Variants in WDR7 observed in about 807,000 individuals in gnomAD.
WDR7 encodes WD repeat domain 7.
WDR7 carries 46 observed loss-of-function variants against 169.4 expected under a neutral mutation model. The ratio of observed to expected loss-of-function variants is 0.27; its 90% CI spans 0.21 to 0.35. WDR7 has a LOEUF of 0.35. Among genes scored for constraint, WDR7 ranks in the 10% least tolerant of loss-of-function variants. The pLI is 1.00. For missense variants in WDR7, 1,534 were observed against 1,859.3 expected (o/e 0.83, Z 3.22); for synonymous variants, 612 against 666.8 (o/e 0.92, Z 1.27).
intron 25 of WDR7, among the ~76,000 whole-genome samples, chr18:56,955,654 GGATGATGATGATGAT>G (rs34888311): frequency 2.0e-5 from 3 of 150,268 alleles, no homozygotes; most frequent in Non-Finnish European, 4.4e-5. Context: ...AGATGCAGAT[GGATGATGATGATGAT>G]GATGATGATG....
intron 20 of WDR7, among the ~76,000 whole-genome samples, chr18:56,829,700 A>T (rs2045275145): frequency 6.6e-6 from 1 of 152,260 alleles, no homozygotes; most frequent in South Asian, 2.1e-4. Context: ...TATGCATAAC[A>T]TGCACAGATT....
At chr18:56,951,632 C>T (rs2047184270) in intron 25 of WDR7, among the ~76,000 whole-genome samples, 1 of 152,044 alleles carries the variant, frequency 6.6e-6, no homozygotes, top group Non-Finnish European at 1.5e-5. Flanking sequence ...AAGATATATA[C>T]ACACGTGATG....
At chr18:56,888,297 G>A (rs1487424258) in intron 21 of WDR7, among the ~76,000 whole-genome samples, 2 of 152,206 alleles carry the variant, frequency 1.3e-5, no homozygotes, top group African/African-American at 4.8e-5. Context: ...TGTCAAAGAC[G>A]AAGCTGAAGG....
chr18:56,971,580 G>A (rs2047486667), intron 26 of WDR7, among the ~76,000 whole-genome samples: 1 of 152,154 alleles, frequency 6.6e-6, no homozygotes, highest in African/African-American at 2.4e-5. Flanking sequence ...AGTGATAGGG[G>A]AGAAAGCAAG....
chr18:56,913,417 ACTTT>A (rs1360720272), intron 21 of WDR7, among the ~76,000 whole-genome samples: 5 of 152,072 alleles, frequency 3.3e-5, no homozygotes, highest in African/African-American at 9.7e-5. Context: ...TGAGAATCAT[ACTTT>A]CTTTCTGTCA....
intron 13 of WDR7, among the ~76,000 whole-genome samples, chr18:56,731,106 G>T (rs1227657268): frequency 2.0e-5 from 3 of 152,158 alleles, no homozygotes; most frequent in Non-Finnish European, 4.4e-5. Flanking sequence ...CTGGGAGGTA[G>T]AAAGAGTGGA....
intron 21 of WDR7, among the ~76,000 whole-genome samples, chr18:56,923,145 T>C (rs945316668): frequency 1.3e-5 from 2 of 152,246 alleles, no homozygotes; most frequent in African/African-American, 4.8e-5. Context: ...TAAATTACAA[T>C]TGGCTTTTCG....
chr18:56,753,491 G>C (rs192535631), intron 14 of WDR7, among the ~76,000 whole-genome samples: 161 of 152,216 alleles, frequency 1.1e-3, no homozygotes, highest in African/African-American at 3.7e-3. Flanking sequence ...TATAAATGTG[G>C]CAAAGACATA....
At chr18:56,968,900 TGTTAATTCTTATCAC>T (rs2047447334) in intron 26 of WDR7, among the ~76,000 whole-genome samples, 2 of 152,214 alleles carry the variant, frequency 1.3e-5, no homozygotes, top group Admixed American at 1.3e-4. Flanking sequence ...AGGACCTTAA[TGTTAATTCTTATCAC>T]TCTACTGCCC....
chr18:56,765,902 G>A (rs1205948860), intron 16 of WDR7, among the ~76,000 whole-genome samples: 2 of 152,102 alleles, frequency 1.3e-5, no homozygotes, highest in East Asian at 1.9e-4. Context: ...TTGTTTTGCT[G>A]TACCTATCAA....
chr18:56,907,605 T>C (rs991807289), intron 21 of WDR7, among the ~76,000 whole-genome samples: 29 of 152,192 alleles, frequency 1.9e-4, no homozygotes, highest in African/African-American at 6.8e-4. Context: ...CTTAGTCTAC[T>C]TGGGCTGCTA....
chr18:56,887,575 C>G (rs935500058), intron 21 of WDR7, among the ~76,000 whole-genome samples: 1 of 142,350 alleles, frequency 7.0e-6, no homozygotes, highest in Admixed American at 6.7e-5. Flanking sequence ...ATTTTTTTTC[C>G]TTTCTTGTTC....
chr18:57,020,931 G>T, intron 27 of WDR7, 82 bp downstream of exon 27: 1 of 1,273,288 alleles, frequency 7.9e-7, no homozygotes, highest in Non-Finnish European at 1.1e-6. Flanking sequence ...GAGCCTACCT[G>T]CCGGCCCTCC....
intron 27 of WDR7, among the ~76,000 whole-genome samples, chr18:57,024,610 ATAG>A (rs1568319061): frequency 9.5e-5 from 13 of 136,470 alleles, no homozygotes; most frequent in Non-Finnish European, 1.3e-4. Flanking sequence ...TCAGGCAGGA[ATAG>A]GGATATGTGA....
intron 21 of WDR7, among the ~76,000 whole-genome samples, chr18:56,904,877 G>A (rs2046455364): frequency 6.6e-6 from 1 of 152,044 alleles, no homozygotes; most frequent in African/African-American, 2.4e-5. Flanking sequence ...ATATAAAACA[G>A]TGAGAGAACC....
At position 56,956,263 on chromosome 18, in the gene WDR7, C is replaced by G. The variant is rs77394952; in HGVS notation, c.4065-6167C>G. On this transcript the variant is annotated intron_variant, in intron 25 of 27. Coordinates refer to ENST00000254442, the MANE Select transcript of WDR7 (RefSeq NM_015285.3). ...CCCCACCCTCCACCGTTCATAGCCCCCAAAACTAACAACACAGCTCGCCCT... is the reference window on the plus strand; with the variant it reads ...CCCCACCCTCCACCGTTCATAGCCCGCAAAACTAACAACACAGCTCGCCCT... Among the ~76,000 whole-genome samples the G allele has an allele frequency of 7.5e-3, 1,136 of 152,226 alleles. 5 individuals are homozygous for G. The highest frequency in any genetic ancestry group is 0.013 in the Non-Finnish European group (857 of 68,002).
intron 25 of WDR7, among the ~76,000 whole-genome samples, chr18:56,958,902 A>G (rs1250628532): frequency 6.6e-6 from 1 of 152,168 alleles, no homozygotes; most frequent in Non-Finnish European, 1.5e-5. Flanking sequence ...GTTGCATCCT[A>G]CTTGCTTGGA....
intron 26 of WDR7, among the ~76,000 whole-genome samples, chr18:57,010,590 T>C (rs548514403): frequency 6.6e-6 from 1 of 152,316 alleles, no homozygotes; most frequent in East Asian, 1.9e-4. Flanking sequence ...CTTGTGATGT[T>C]TGGGATTTTT....
At chr18:56,848,521 G>A (rs1170248190) in intron 20 of WDR7, among the ~76,000 whole-genome samples, 2 of 152,098 alleles carry the variant, frequency 1.3e-5, no homozygotes, top group Admixed American at 6.5e-5. Flanking sequence ...AGATTAGGGG[G>A]CCAGGGATGG....
Sources: gnomAD v4.1 joint callset for allele counts (sites outside exome capture counted in the v4.1 genomes callset) on GRCh38, gnomAD v4.1.1 for gene constraint, MANE v1.5 for transcripts, NCBI Gene and HGNC (gene_info 2026-07-23, HGNC 2026-07-21) for gene names.